The following SPECC1L variants were observed in gnomAD, a reference collection of about 807,000 sequenced individuals.
SPECC1L encodes the protein sperm antigen with calponin homology and coiled-coil domains 1 like, also known as cytospin-A.
In SPECC1L, 40 loss-of-function variants were observed where a neutral mutation model predicts 116.8. That is an observed-to-expected ratio of 0.34 (90% CI 0.27 to 0.45). SPECC1L has a LOEUF of 0.45. Ranked by LOEUF, SPECC1L falls within the 20% of genes least tolerant of loss-of-function variation. The probability of loss-of-function intolerance (pLI) is 1.00; values close to 1 mark genes in which losing one functional copy is unlikely to be tolerated. For missense variants in SPECC1L, 1,110 were observed against 1,373.6 expected (o/e 0.81, Z 3.03); for synonymous variants, 504 against 500.6 (o/e 1.01, Z -0.09).
intron 13 of SPECC1L, among the ~76,000 whole-genome samples, chr22:24,368,163 T>C (rs2041808076): frequency 6.6e-6 from 1 of 152,206 alleles, no homozygotes; most frequent in African/African-American, 2.4e-5. Context: ...GTACCCTACA[T>C]AGAATTTTTA....
chr22:24,365,297 T>G (rs1009045987), intron 12 of SPECC1L, among the ~76,000 whole-genome samples, 179 bp from the exon 13 acceptor site: 11 of 152,184 alleles, frequency 7.2e-5, no homozygotes, highest in African/African-American at 2.2e-4. Context: ...CGTGAGCCAC[T>G]GCACCTGGCC....
chr22:24,295,729 A>G (rs1356541551), intron 2 of SPECC1L, among the ~76,000 whole-genome samples: 2 of 152,156 alleles, frequency 1.3e-5, no homozygotes, highest in Non-Finnish European at 2.9e-5. Context: ...AGGGTGGATC[A>G]TCTGAGGTCA....
chr22:24,356,999 C>A (rs1164904399), intron 11 of SPECC1L, among the ~76,000 whole-genome samples: 1 of 151,788 alleles, frequency 6.6e-6, no homozygotes, highest in Admixed American at 6.6e-5. Context: ...CCAAAAAATG[C>A]CTCTAATTTT....
At chr22:24,412,775 T>A in intron 16 of SPECC1L, 68 bp downstream of exon 16, 2 of 1,552,234 alleles carry the variant, frequency 1.3e-6, no homozygotes, top group Non-Finnish European at 1.8e-6. Flanking sequence ...CAGTCCTGTT[T>A]AAGCTGAATC....
chr22:24,399,469 C>T lies in SPECC1L; in HGVS notation c.3088-12119C>T, dbSNP rs573519549. Among the ~76,000 whole-genome samples, 79 of 152,126 alleles carry T rather than the reference C, an allele frequency of 5.2e-4. 1 individual carries two copies. The South Asian group carries it at 0.011, about 20-fold the overall frequency. On this transcript the variant is annotated intron_variant, in intron 14 of 16. Transcript: ENST00000314328. ...CTTGTAGTCCCAGCTGCTCAGGAGG[C>T]TGAGGCAGGAGAATGGTGTGAACCT... is the stretch of plus-strand genomic sequence containing the variant.
At chr22:24,290,665 A>G (rs143332927) in intron 2 of SPECC1L, among the ~76,000 whole-genome samples, 2 of 152,276 alleles carry the variant, frequency 1.3e-5, no homozygotes, top group Non-Finnish European at 2.9e-5. Flanking sequence ...ATATATGCCA[A>G]CTTGCACATG....
At chr22:24,360,898 G>A (rs1409935987) in intron 11 of SPECC1L, among the ~76,000 whole-genome samples, 2 of 152,116 alleles carry the variant, frequency 1.3e-5, no homozygotes, top group Admixed American at 6.5e-5. Flanking sequence ...CTTCCTTTAC[G>A]GGTAAATGCC....
intron 8 of SPECC1L, among the ~76,000 whole-genome samples, chr22:24,332,799 A>G (rs2040964978): frequency 6.6e-6 from 1 of 151,980 alleles, no homozygotes; most frequent in Admixed American, 6.6e-5. Context: ...AAATATTTGT[A>G]TATATTCTTA....
intron 14 of SPECC1L, among the ~76,000 whole-genome samples, chr22:24,401,051 C>T (rs1016603500): frequency 6.6e-6 from 1 of 152,154 alleles, no homozygotes; most frequent in Non-Finnish European, 1.5e-5. Context: ...GCACTGTCCC[C>T]ACGCCCACCT....
intron 3 of SPECC1L, among the ~76,000 whole-genome samples, chr22:24,312,330 A>G (rs2040478421): frequency 6.6e-6 from 1 of 152,206 alleles, no homozygotes; most frequent in South Asian, 2.1e-4. Context: ...AATAACAGAA[A>G]TATGCTTCAT....
intron 4 of SPECC1L, among the ~76,000 whole-genome samples, chr22:24,315,504 TCAC>T (rs2040543857): frequency 6.6e-6 from 1 of 152,278 alleles, no homozygotes; most frequent in African/African-American, 2.4e-5. Context: ...CCTGGGGTCA[TCAC>T]CACATTTAAC....
chr22:24,340,735 C>T (rs1234909046), intron 10 of SPECC1L, among the ~76,000 whole-genome samples: 1 of 152,088 alleles, frequency 6.6e-6, no homozygotes, highest in Non-Finnish European at 1.5e-5. Flanking sequence ...CAAACCTAAT[C>T]GTATATAAAA....
At position 24,365,586 on chromosome 22, in the gene SPECC1L, T is replaced by G. The variant is rs1378586238; in HGVS notation, c.2938T>G (p.Ser980Ala). 6.2e-7 allele frequency: 1 copy of G among 1,614,084 alleles called. No homozygotes were observed. The highest frequency in any genetic ancestry group is 2.2e-5 in the East Asian group (1 of 44,886). ...GTTSPQLSLS[S>A]SPTASVTPTT... ...CACGTCTCCACAGCTTTCCCTGTCC[T>G]CTTCTCCAACGGCATCTGTGACTCC... Residue 980 changes from serine (S) to alanine (A), a missense_variant, in exon 13 of 17, where the codon TCT becomes GCT. By Grantham distance (99) the Ser-to-Ala change is moderately conservative (BLOSUM62 1). This residue lies in a region of SPECC1L where 575 missense variants were observed against 682.4 expected (regional missense o/e 0.84). Coordinates refer to ENST00000314328, the MANE Select transcript of SPECC1L (RefSeq NM_015330.6).
intron 10 of SPECC1L, among the ~76,000 whole-genome samples, chr22:24,339,657 T>G (rs1208449676): frequency 6.6e-6 from 1 of 152,262 alleles, no homozygotes; most frequent in Non-Finnish European, 1.5e-5. Context: ...ACCTCTTCCC[T>G]AAAATAATGG....
chr22:24,402,123 C>T (rs2042489901), intron 14 of SPECC1L, among the ~76,000 whole-genome samples: 3 of 143,958 alleles, frequency 2.1e-5, no homozygotes, highest in Admixed American at 7.0e-5. Context: ...CCTTCCTTCC[C>T]CTTCCTTCCC....
intron 11 of SPECC1L, among the ~76,000 whole-genome samples, chr22:24,360,294 G>GGGCA (rs1165338165): frequency 1.3e-5 from 2 of 152,204 alleles, no homozygotes; most frequent in East Asian, 3.8e-4. Context: ...AAGTGCCTCT[G>GGGCA]GGCAGATTTG....
intron 2 of SPECC1L, among the ~76,000 whole-genome samples, chr22:24,301,706 T>G (rs1328087479): frequency 6.6e-6 from 1 of 152,146 alleles, no homozygotes; most frequent in Non-Finnish European, 1.5e-5. Flanking sequence ...TTAAAAATAG[T>G]AAGTCAGGGG....
intron 2 of SPECC1L, among the ~76,000 whole-genome samples, chr22:24,296,307 T>C (rs4100453): frequency 1.3e-5 from 2 of 151,832 alleles, no homozygotes; most frequent in Admixed American, 6.6e-5. Flanking sequence ...GTGCTTGCTG[T>C]CGGGGAGAGG....
intron 3 of SPECC1L, among the ~76,000 whole-genome samples, chr22:24,312,446 A>G (rs1363787823): frequency 2.6e-5 from 4 of 152,252 alleles, no homozygotes; most frequent in African/African-American, 9.6e-5. Flanking sequence ...GAGAGAGGGC[A>G]TGGTTCCAGA....
Sources: allele counts gnomAD v4.1 joint callset (sites outside exome capture counted in the v4.1 genomes callset), GRCh38; gene constraint gnomAD v4.1.1; regional missense constraint gnomAD v4.1.1; transcripts MANE v1.5; gene names NCBI Gene and HGNC (gene_info 2026-07-23, HGNC 2026-07-21).